Variants in SVEP1 observed in about 807,000 individuals in gnomAD.
SVEP1 encodes the protein sushi, von Willebrand factor type A, EGF and pentraxin domain containing 1, also known as sushi, von Willebrand factor type A, EGF and pentraxin domain-containing protein 1.
SVEP1 carries 164 observed loss-of-function variants against 367.3 expected under a neutral mutation model. The observed-to-expected ratio is 0.45, with a 90% confidence interval of 0.39 to 0.51. The LOEUF (loss-of-function observed/expected upper bound fraction) is 0.51. Ranked by LOEUF, SVEP1 falls within the 20% of genes least tolerant of loss-of-function variation. The probability of loss-of-function intolerance (pLI) is 0.00; values close to 1 mark genes in which losing one functional copy is unlikely to be tolerated. For synonymous variants in SVEP1, 1,666 were observed against 1,611.6 expected (o/e 1.03, Z -0.81); for missense variants, 4,117 against 4,425.3 (o/e 0.93, Z 1.98).
chr9:110,519,327 G>T (rs147292922), intron 3 of SVEP1, among the ~76,000 whole-genome samples: 66 of 152,092 alleles, frequency 4.3e-4, no homozygotes, highest in African/African-American at 1.5e-3. Flanking sequence ...TAGATTTGTT[G>T]TGCCAGATAG....
chr9:110,557,539 AT>A (rs1343412494), intron 1 of SVEP1, among the ~76,000 whole-genome samples: 3 of 149,602 alleles, frequency 2.0e-5, no homozygotes, highest in Non-Finnish European at 4.4e-5. Flanking sequence ...TTCATACGGA[AT>A]TCTTATACTT....
chr9:110,408,832 A>G lies in SVEP1; in HGVS notation c.6768T>C (p.Pro2256=). The G allele has an allele frequency of 6.2e-7, 1 of 1,613,460 alleles. No homozygotes were observed. The highest frequency in any genetic ancestry group is 8.5e-7 in the Non-Finnish European group (1 of 1,179,874). ...CACAGTCGAGAGGAACACACATCAG[A>G]GGGGATTCACTGTGCCAGTGGCGAT... ...QANRHWHSES[P]LMCVPLDCGK... The change falls in exon 38 of 48, where the codon CCT becomes CCC. Residue 2256 remains proline (P), a synonymous_variant. Transcript: ENST00000374469.
At chr9:110,490,833 TTAA>T (rs1430312033) in intron 8 of SVEP1, among the ~76,000 whole-genome samples, 7 of 152,034 alleles carry the variant, frequency 4.6e-5, no homozygotes, top group Admixed American at 3.9e-4. Flanking sequence ...TATGCTAAGA[TTAA>T]ATTCTCAAGT....
intron 27 of SVEP1, among the ~76,000 whole-genome samples, chr9:110,439,744 G>T (rs1828485779): frequency 6.6e-6 from 1 of 151,886 alleles, no homozygotes; most frequent in Non-Finnish European, 1.5e-5. Context: ...TTTCTTTATG[G>T]TAACCCAAGC....
At chr9:110,564,291 T>G (rs1162992593) in intron 1 of SVEP1, among the ~76,000 whole-genome samples, 1 of 152,208 alleles carries the variant, frequency 6.6e-6, no homozygotes, top group Non-Finnish European at 1.5e-5. Flanking sequence ...AAATGTGATT[T>G]ATGATTCAAA....
intron 36 of SVEP1, among the ~76,000 whole-genome samples, chr9:110,423,636 C>G (rs972106480): frequency 6.6e-6 from 1 of 151,972 alleles, no homozygotes; most frequent in Non-Finnish European, 1.5e-5. Flanking sequence ...CCCTAAAGGA[C>G]TCTAAAGGAA....
At chr9:110,474,070 G>A (rs147243075) in intron 14 of SVEP1, among the ~76,000 whole-genome samples, 70 of 152,186 alleles carry the variant, frequency 4.6e-4, no homozygotes, top group African/African-American at 1.6e-3. Context: ...GCATGATCTC[G>A]GCCCACTGCC....
At chr9:110,565,414 C>T (rs755597261) in intron 1 of SVEP1, among the ~76,000 whole-genome samples, 7 of 152,026 alleles carry the variant, frequency 4.6e-5, no homozygotes, top group Non-Finnish European at 1.0e-4. Flanking sequence ...GAGTGTTGAC[C>T]TTGGATTAAA....
intron 40 of SVEP1, among the ~76,000 whole-genome samples, chr9:110,392,151 A>ATATATATATATATATATC (rs1308038317): frequency 1.7e-4 from 25 of 146,060 alleles, no homozygotes; most frequent in African/African-American, 6.1e-4. Flanking sequence ...ATATATATAT[A>ATATATATATATATATATC]TATCTCTTCT....
chr9:110,501,503 G>T (rs1829528145), intron 6 of SVEP1, among the ~76,000 whole-genome samples: 1 of 145,322 alleles, frequency 6.9e-6, no homozygotes, highest in African/African-American at 2.4e-5. Context: ...ATTCTATTTT[G>T]TTGTGGGGGG....
At chr9:110,495,320 C>G (rs373077568) in intron 8 of SVEP1, among the ~76,000 whole-genome samples, 1 of 152,024 alleles carries the variant, frequency 6.6e-6, no homozygotes, top group African/African-American at 2.4e-5. Flanking sequence ...TTAGCAGACA[C>G]GACTAAATTA....
chr9:110,409,809 G>A (rs1828018455), intron 37 of SVEP1, among the ~76,000 whole-genome samples: 1 of 151,986 alleles, frequency 6.6e-6, no homozygotes, highest in African/African-American at 2.4e-5. Context: ...TAATATTCGT[G>A]ATCTCAAAAT....
intron 1 of SVEP1, among the ~76,000 whole-genome samples, chr9:110,551,558 A>G (rs1830286624): frequency 6.6e-6 from 1 of 152,230 alleles, no homozygotes; most frequent in African/African-American, 2.4e-5. Context: ...ATGGGACCAC[A>G]CCAAAGACAG....
chr9:110,548,997 A>C (rs550168839), intron 2 of SVEP1, among the ~76,000 whole-genome samples: 73 of 152,298 alleles, frequency 4.8e-4, no homozygotes, highest in African/African-American at 1.7e-3. Flanking sequence ...CAGTAGAGCT[A>C]ACCCACTTAT....
chr9:110,500,447 C>A (rs1223079642), intron 6 of SVEP1, among the ~76,000 whole-genome samples: 2 of 152,058 alleles, frequency 1.3e-5, no homozygotes, highest in African/African-American at 4.8e-5. Context: ...GTGTCTTTAA[C>A]TTTTATATAG....
At chr9:110,538,708 A>T (rs183969014) in intron 3 of SVEP1, among the ~76,000 whole-genome samples, 3 of 152,196 alleles carry the variant, frequency 2.0e-5, no homozygotes, top group Admixed American at 2.0e-4. Context: ...TCTGCTAATC[A>T]TGCCTAACTC....
At chr9:110,389,629 CAATAGAAAGAT>C in intron 40 of SVEP1, 42 bp from the exon 41 acceptor site, 1 of 1,605,010 alleles carries the variant, frequency 6.2e-7, no homozygotes, top group Non-Finnish European at 8.5e-7. Context: ...CATAACTCTA[CAATAGAAAGAT>C]AATAAGGAAA....
At chr9:110,510,603 C>T (rs1363021350) in intron 5 of SVEP1, among the ~76,000 whole-genome samples, 1 of 152,158 alleles carries the variant, frequency 6.6e-6, no homozygotes, top group African/African-American at 2.4e-5. Context: ...GAGAGCATGG[C>T]TATTTCTTAC....
intron 5 of SVEP1, among the ~76,000 whole-genome samples, chr9:110,510,036 T>C (rs1829683508): frequency 6.6e-6 from 1 of 152,190 alleles, no homozygotes; most frequent in Non-Finnish European, 1.5e-5. Context: ...GAAGTGGTCA[T>C]TGTCATCAGA....
Sources: allele counts gnomAD v4.1 joint callset (sites outside exome capture counted in the v4.1 genomes callset), GRCh38; gene constraint gnomAD v4.1.1; transcripts MANE v1.5; gene names NCBI Gene and HGNC (gene_info 2026-07-23, HGNC 2026-07-21).